Variants in NUFIP2 observed in about 807,000 individuals in gnomAD.
The protein encoded by NUFIP2 is FMR1-interacting protein NUFIP2.
In NUFIP2, 6 loss-of-function variants were observed where a neutral mutation model predicts 56.9. The ratio of observed to expected loss-of-function variants is 0.11; its 90% CI spans 0.06 to 0.21. The LOEUF (loss-of-function observed/expected upper bound fraction) is 0.21. Ranked by LOEUF, NUFIP2 falls within the 10% of genes least tolerant of loss-of-function variation. The pLI is 1.00. For missense variants in NUFIP2, 828 were observed against 826.8 expected, an observed-to-expected ratio of 1.00 and a Z score of -0.02; for synonymous variants, 321 against 298.2, an observed-to-expected ratio of 1.08 and a Z score of -0.79.
At chr17:29,267,338 G>A (rs1231133133) in intron 3 of NUFIP2, among the ~76,000 whole-genome samples, 160 bp downstream of exon 3, 2 of 152,150 alleles carry the variant, frequency 1.3e-5, no homozygotes, top group Middle Eastern at 3.4e-3. Flanking sequence ...AGAGGCATGA[G>A]CCACCCTGCC....
intron 2 of NUFIP2, among the ~76,000 whole-genome samples, chr17:29,268,595 G>A (rs2069052837): frequency 2.0e-5 from 3 of 152,130 alleles, no homozygotes; most frequent in South Asian, 2.1e-4. Context: ...TCGGCTCACC[G>A]CAACATCCCC....
rs890032747 is a variant in NUFIP2 at position 29,262,273 on chromosome 17, C to T, written c.*2266G>A. 5 of 152,398 alleles carry T rather than the reference C, an allele frequency of 3.3e-5. No individual in the cohort carries two copies. Among genetic ancestry groups the T allele is most frequent in the Admixed American group, 6.6e-5 (1 of 15,262 alleles). 9.4% of individuals were successfully genotyped at this position (152,398 alleles called of 1,614,324 possible). A position where few individuals can be genotyped will look rare whatever the true frequency, so the allele number is the denominator to read the frequency against. Reference sequence around the variant, plus strand: ...TAGAGAGGGGAATCTGGCCCTAAGGCGACAAGTGGTTACACAAGGCAATTG... The same window carrying T: ...TAGAGAGGGGAATCTGGCCCTAAGGTGACAAGTGGTTACACAAGGCAATTG... On this transcript the variant is annotated 3_prime_UTR_variant, in exon 4 of 4. Transcript: ENST00000225388.
rs1371518790 is a variant in NUFIP2, at chr17:29,260,502, A to T, written c.*4037T>A. On this transcript the variant is annotated 3_prime_UTR_variant, in exon 4 of 4. Coordinates refer to ENST00000225388, the MANE Select transcript of NUFIP2 (RefSeq NM_020772.3). Reference sequence around the variant, plus strand: ...TAGGAATGACTCCGTCCTTATTTACAGTGGAATTAAAATTGAGTAAAGTCC... The same window carrying T: ...TAGGAATGACTCCGTCCTTATTTACTGTGGAATTAAAATTGAGTAAAGTCC... 2 of 152,216 alleles carry T rather than the reference A, an allele frequency of 1.3e-5. No individual in the cohort carries two copies. Among genetic ancestry groups the T allele is most frequent in the Admixed American group, 6.5e-5 (1 of 15,286 alleles). 9.4% of individuals were successfully genotyped at this position (152,216 alleles called of 1,614,324 possible). A position where few individuals can be genotyped will look rare whatever the true frequency, so the allele number is the denominator to read the frequency against.
chr17:29,265,312 T>A (rs867440950), intron 3 of NUFIP2, among the ~76,000 whole-genome samples: 11 of 147,372 alleles, frequency 7.5e-5, no homozygotes, highest in Middle Eastern at 3.4e-3. Flanking sequence ...TTTATTTTTT[T>A]TTTTTTTTGA....
At chr17:29,273,928 ATT>A (rs2069091750) in intron 2 of NUFIP2, among the ~76,000 whole-genome samples, 1 of 152,022 alleles carries the variant, frequency 6.6e-6, no homozygotes, top group African/African-American at 2.4e-5. Flanking sequence ...CAAGTTCTTA[ATT>A]CCAAGTTGAT....
rs1160826357 is a variant in NUFIP2 at position 29,263,437 on chromosome 17, A to T, written c.*1102T>A. On this transcript the variant is annotated 3_prime_UTR_variant, in exon 4 of 4. Transcript: ENST00000225388. ...GCATGAAAACACACCTTCTACAGTCAGGGTTTATTATCTTCTCACTGGCTA... is the reference window on the plus strand; with the variant it reads ...GCATGAAAACACACCTTCTACAGTCTGGGTTTATTATCTTCTCACTGGCTA... 2 of 152,640 alleles carry T rather than the reference A, an allele frequency of 1.3e-5. No homozygotes were observed. The highest frequency in any genetic ancestry group is 2.9e-5 in the Non-Finnish European group (2 of 68,032). The allele number at this position is 152,640 out of a possible 1,614,324, so 9.5% of individuals were successfully genotyped here.
chr17:29,287,566 G>A lies in NUFIP2; in HGVS notation c.428C>T (p.Thr143Ile), dbSNP rs749220354. The change falls in exon 2 of 4, where the codon ACC becomes ATC. Residue 143 changes from threonine (T) to isoleucine (I), a missense_variant. Coordinates refer to ENST00000225388, the MANE Select transcript of NUFIP2 (RefSeq NM_020772.3). ...TSLKQTVKAN[T>I]FGKAGIKTKN... ...GGTTTTAATTCCTGCTTTCCCAAAGGTGTTGGCCTTTACAGTCTGCTTCAG... is the reference window on the plus strand; with the variant it reads ...GGTTTTAATTCCTGCTTTCCCAAAGATGTTGGCCTTTACAGTCTGCTTCAG... 39 of 1,613,808 alleles carry A rather than the reference G, an allele frequency of 2.4e-5. No homozygotes were observed. Among genetic ancestry groups the A allele is most frequent in the Non-Finnish European group, 3.1e-5 (37 of 1,180,010 alleles).
In NUFIP2 at chr17:29,287,629, C is replaced by T; in HGVS notation, c.365G>A (p.Arg122Lys). 6.2e-7 allele frequency: 1 copy of T among 1,613,944 alleles called. No homozygotes were observed. The highest frequency in any genetic ancestry group is 8.5e-7 in the Non-Finnish European group (1 of 1,179,974). ...AACTTGCTGGTTGCCATTGAGGACC[C>T]TGGAAATAGGGTTGGTGGCTTCATC... Reference protein sequence around the residue: ...SSDEATNPISRVLNGNQQVVD... With the variant: ...SSDEATNPISKVLNGNQQVVD... The change falls in exon 2 of 4, where the codon AGG (arginine) becomes AAG (lysine). Residue 122 changes from arginine to lysine, a missense_variant. By Grantham distance (26) the Arg-to-Lys change is conservative. Around this residue, in one of 3 missense-constraint regions of NUFIP2, gnomAD observed 415 missense variants for 408.7 expected, o/e 1.02. Transcript: ENST00000225388.
intron 1 of NUFIP2, among the ~76,000 whole-genome samples, chr17:29,289,336 T>C (rs2069196876): frequency 6.6e-6 from 1 of 152,202 alleles, no homozygotes; most frequent in Non-Finnish European, 1.5e-5. Flanking sequence ...CTAATGCCTA[T>C]AATCCCAGCA....
rs1373729470 is a variant in NUFIP2, at chr17:29,256,931, T to TTTATGCTAAAGCAATAAA, written c.*7590_*7607dup. The TTTATGCTAAAGCAATAAA allele has an allele frequency of 6.6e-6, 1 of 152,182 alleles. No homozygotes were observed. The highest frequency in any genetic ancestry group is 1.5e-5 in the Non-Finnish European group (1 of 68,012). 9.4% of individuals were successfully genotyped at this position (152,182 alleles called of 1,614,324 possible). ...AAGCCAGTCAATTCAGTAAACCAAA[T>TTTATGCTAAAGCAATAAA]TTATGCTAAAGCAATAAAGGTAAAA... On this transcript the variant is annotated 3_prime_UTR_variant, in exon 4 of 4. Coordinates refer to ENST00000225388, the MANE Select transcript of NUFIP2 (RefSeq NM_020772.3).
At position 29,287,276 on chromosome 17, in the gene NUFIP2, C is replaced by T. The variant is rs776489310; in HGVS notation, c.718G>A (p.Val240Met). The T allele has an allele frequency of 1.2e-6, 2 of 1,614,166 alleles. No individual in the cohort carries two copies. Among genetic ancestry groups the T allele is most frequent in the Non-Finnish European group, 1.7e-6 (2 of 1,180,028 alleles). Residue 240 changes from valine to methionine, a missense_variant, in exon 2 of 4, where the codon GTG (valine) becomes ATG (methionine). Around this residue, in one of 3 missense-constraint regions of NUFIP2, gnomAD observed 415 missense variants for 408.7 expected, o/e 1.02. Coordinates refer to ENST00000225388, the MANE Select transcript of NUFIP2 (RefSeq NM_020772.3). ...SAKGCENLNIVQDKIMQQETS... is the reference protein window; with the variant it reads ...SAKGCENLNIMQDKIMQQETS... ...TCTTGTTGCATTATTTTGTCCTGCA[C>T]TATATTAAGGTTTTCACAACCCTTG...
intron 2 of NUFIP2, among the ~76,000 whole-genome samples, chr17:29,269,196 A>G (rs963437971): frequency 6.6e-6 from 1 of 152,226 alleles, no homozygotes; most frequent in Non-Finnish European, 1.5e-5. Context: ...TTCTGTGGTA[A>G]TAAAACTATC....
chr17:29,278,229 AT>A (rs763074038), intron 2 of NUFIP2, among the ~76,000 whole-genome samples: 16 of 151,178 alleles, frequency 1.1e-4, no homozygotes, highest in Non-Finnish European at 1.9e-4. Flanking sequence ...TATTGCTCTT[AT>A]TCTAATCTCA....
chr17:29,285,331 C>T (rs1279373149), intron 2 of NUFIP2, among the ~76,000 whole-genome samples: 3 of 151,674 alleles, frequency 2.0e-5, no homozygotes, highest in Non-Finnish European at 4.4e-5. Context: ...TGTGGTGGCT[C>T]ACACCTGTAA....
chr17:29,271,171 G>C, intron 2 of NUFIP2, among the ~76,000 whole-genome samples: 1 of 152,142 alleles, frequency 6.6e-6, no homozygotes, highest in East Asian at 1.9e-4. Context: ...CATGACTTCT[G>C]AGGGGGAAAT....
chr17:29,277,834 G>A (rs1317330016), intron 2 of NUFIP2, among the ~76,000 whole-genome samples: 1 of 152,090 alleles, frequency 6.6e-6, no homozygotes, highest in Non-Finnish European at 1.5e-5. Context: ...CCAACATGGT[G>A]AAACCTCAGT....
intron 1 of NUFIP2, among the ~76,000 whole-genome samples, chr17:29,290,236 T>C (rs1183018444): frequency 6.6e-6 from 1 of 152,178 alleles, no homozygotes; most frequent in Non-Finnish European, 1.5e-5. Context: ...GGGTTACATT[T>C]TTAAAAATTT....
In NUFIP2 at chr17:29,258,680, T is replaced by C. The variant is rs1027978942; in HGVS notation, c.*5859A>G. ...TAAGTTATTGTCCTTCATAGGACAA[T>C]ATCAGCTAAGAATTAGTTACTTGTA... On this transcript the variant is annotated 3_prime_UTR_variant, in exon 4 of 4. Coordinates refer to ENST00000225388, the MANE Select transcript of NUFIP2 (RefSeq NM_020772.3). The C allele has an allele frequency of 3.9e-5, 6 of 152,172 alleles. No individual in the cohort carries two copies. Among genetic ancestry groups the C allele is most frequent in the Admixed American group, 2.6e-4 (4 of 15,282 alleles). 9.4% of individuals were successfully genotyped at this position (152,172 alleles called of 1,614,324 possible).
Position 29,287,228 on chromosome 17 carries a change from G to C in NUFIP2, c.766C>G (p.Gln256Glu), listed in dbSNP as rs764299002. The part of the protein sequence containing the change: ...QQETSVPTLK[Q>E]GLETFKPDYS... ...TCAGGCTTGAAAGTTTCAAGTCCCT[G>C]TTTTAAGGTTGGGACACTGGTCTCT... The change falls in exon 2 of 4, where the codon CAG becomes GAG. Residue 256 changes from glutamine (Q) to glutamate (E), a missense_variant. This residue lies in a region of NUFIP2 where 415 missense variants were observed against 408.7 expected (regional missense o/e 1.02). Coordinates refer to ENST00000225388, the MANE Select transcript of NUFIP2 (RefSeq NM_020772.3). The C allele has an allele frequency of 5.0e-6, 8 of 1,614,120 alleles. No homozygotes were observed. Among genetic ancestry groups the C allele is most frequent in the Non-Finnish European group, 8.5e-7 (1 of 1,180,032 alleles).
Sources: allele counts gnomAD v4.1 joint callset (sites outside exome capture counted in the v4.1 genomes callset), GRCh38; gene constraint gnomAD v4.1.1; regional missense constraint gnomAD v4.1.1; transcripts MANE v1.5; gene names NCBI Gene and HGNC (gene_info 2026-07-23, HGNC 2026-07-21).